The following TRPC3 variants were observed in gnomAD, a reference collection of about 807,000 sequenced individuals.
The protein encoded by TRPC3 is short transient receptor potential channel 3.
A neutral mutation model predicts 90.9 loss-of-function variants in TRPC3; 54 were observed. That is an observed-to-expected ratio of 0.59 (90% CI 0.48 to 0.75). The LOEUF is 0.75. Among genes scored for constraint, TRPC3 ranks in the 30% least tolerant of loss-of-function variants. The probability of loss-of-function intolerance (pLI) is 0.00; values close to 1 mark genes in which losing one functional copy is unlikely to be tolerated. For missense variants in TRPC3, 918 were observed against 1,194.5 expected (o/e 0.77, Z 3.41); for synonymous variants, 424 against 450.9 (o/e 0.94, Z 0.75).
intron 10 of TRPC3, among the ~76,000 whole-genome samples, chr4:121,896,111 A>G (rs998932859): frequency 6.6e-6 from 1 of 152,222 alleles, no homozygotes; most frequent in African/African-American, 2.4e-5. Flanking sequence ...CTTTTCATAA[A>G]ATTCAATATT....
chr4:121,933,079 T>C (rs1250054677), intron 1 of TRPC3, 37 bp from the exon 2 acceptor site: 1 of 1,522,186 alleles, frequency 6.6e-7, no homozygotes, highest in Admixed American at 2.1e-5. Flanking sequence ...TGTAGAATAT[T>C]AGGGCACATT....
At chr4:121,928,331 C>T (rs1048144924) in intron 2 of TRPC3, among the ~76,000 whole-genome samples, 4 of 152,154 alleles carry the variant, frequency 2.6e-5, no homozygotes, top group Non-Finnish European at 4.4e-5. Flanking sequence ...AGTCTGTTGC[C>T]AGAGTGCAGA....
intron 10 of TRPC3, among the ~76,000 whole-genome samples, chr4:121,889,146 T>G (rs1166822151): frequency 6.6e-6 from 1 of 152,120 alleles, no homozygotes; most frequent in East Asian, 1.9e-4. Context: ...ACAAAAATCA[T>G]TTCAAAATAA....
At chr4:121,904,216 CCT>C (rs1728805054) in intron 8 of TRPC3, 104 bp downstream of exon 8, 1 of 967,344 alleles carries the variant, frequency 1.0e-6, no homozygotes, top group East Asian at 2.7e-5. Context: ...TGGATATAAG[CCT>C]CTTTGTTACA....
At chr4:121,888,000 T>A (rs1728188842) in intron 10 of TRPC3, among the ~76,000 whole-genome samples, 1 of 54,108 alleles carries the variant, frequency 1.8e-5, no homozygotes, top group Non-Finnish European at 3.7e-5. Flanking sequence ...ATTTTTGGTA[T>A]TTTTTTTTTT....
chr4:121,886,893 T>C (rs1312307110), intron 10 of TRPC3, among the ~76,000 whole-genome samples: 1 of 152,210 alleles, frequency 6.6e-6, no homozygotes. Context: ...CAAGTTGCCC[T>C]GAATATGTGC....
intron 6 of TRPC3, among the ~76,000 whole-genome samples, chr4:121,908,553 A>T (rs2149123285): frequency 6.6e-6 from 1 of 152,320 alleles, no homozygotes; most frequent in South Asian, 2.1e-4. Flanking sequence ...GCCACAAAAA[A>T]GAACAAAAAT....
intron 3 of TRPC3, among the ~76,000 whole-genome samples, chr4:121,918,880 C>A (rs1333430124): frequency 3.3e-5 from 5 of 152,160 alleles, no homozygotes; most frequent in African/African-American, 9.7e-5. Flanking sequence ...GAGTTTTGGT[C>A]TTTTCAATGA....
At chr4:121,883,348 A>G (rs950651471) in intron 10 of TRPC3, among the ~76,000 whole-genome samples, 3 of 152,182 alleles carry the variant, frequency 2.0e-5, no homozygotes, top group Admixed American at 2.0e-4. Context: ...AGAAAGTGAA[A>G]AGGCAAGCCA....
At chr4:121,884,699 A>G (rs1728051730) in intron 10 of TRPC3, among the ~76,000 whole-genome samples, 1 of 152,172 alleles carries the variant, frequency 6.6e-6, no homozygotes, top group Admixed American at 6.5e-5. Context: ...GGAAAAGCTC[A>G]TTTTTCCAGT....
At chr4:121,913,414 A>G (rs1016100191) in intron 4 of TRPC3, among the ~76,000 whole-genome samples, 1 of 152,200 alleles carries the variant, frequency 6.6e-6, no homozygotes, top group Non-Finnish European at 1.5e-5. Flanking sequence ...GGCAGCTCTA[A>G]ACATGGGCTC....
At chr4:121,926,242 A>T (rs1405025018) in intron 2 of TRPC3, among the ~76,000 whole-genome samples, 1 of 152,206 alleles carries the variant, frequency 6.6e-6, no homozygotes, top group Non-Finnish European at 1.5e-5. Context: ...ACAACTTTGG[A>T]CTGGCTCCGC....
At chr4:121,941,053 T>C (rs1730294026) in intron 1 of TRPC3, among the ~76,000 whole-genome samples, 1 of 152,202 alleles carries the variant, frequency 6.6e-6, no homozygotes, top group South Asian at 2.1e-4. Flanking sequence ...GGCTACTTTA[T>C]CATGATGCTG....
intron 3 of TRPC3, among the ~76,000 whole-genome samples, chr4:121,920,796 G>A (rs1003251242): frequency 3.9e-5 from 6 of 152,004 alleles, no homozygotes; most frequent in African/African-American, 1.4e-4. Flanking sequence ...TTTTCTACAG[G>A]GCCCTGGATG....
At chr4:121,945,693 G>C (rs113866978) in intron 1 of TRPC3, among the ~76,000 whole-genome samples, 4,547 of 152,298 alleles carry the variant, frequency 0.03, 98 homozygotes, top group Middle Eastern at 0.078. Context: ...ATATGGTTAA[G>C]TGACAACCCT....
In TRPC3 at chr4:121,951,656, T is replaced by G; in HGVS notation, c.25A>C (p.Lys9Gln). 1 of 1,381,544 alleles carries G rather than the reference T, an allele frequency of 7.2e-7. No homozygotes were observed. The highest frequency in any genetic ancestry group is 9.4e-7 in the Non-Finnish European group (1 of 1,058,386). 85.6% of individuals were successfully genotyped at this position (1,381,544 alleles called of 1,614,324 possible). The change falls in exon 1 of 12, where the codon AAA becomes CAA. Residue 9 changes from lysine to glutamine, a missense_variant. This residue lies in a region of TRPC3 where 609 missense variants were observed against 725.9 expected (regional missense o/e 0.84). Transcript: ENST00000379645. The surrounding 1 kb of genome is among the most constrained non-coding windows in gnomAD (Gnocchi z 4.4). MSTKVRKCKEQARVTFPAP... is the reference protein window; with the variant it reads MSTKVRKCQEQARVTFPAP... ...GGGAAGGTCACCCTTGCTTGTTCTTTGCACTTCCTGACCTTGGTGGACATC... is the reference window on the plus strand; with the variant it reads ...GGGAAGGTCACCCTTGCTTGTTCTTGGCACTTCCTGACCTTGGTGGACATC...
chr4:121,910,437 G>A (rs1267149309), intron 5 of TRPC3, 50 bp from the exon 6 acceptor site: 2 of 1,457,920 alleles, frequency 1.4e-6, no homozygotes, highest in South Asian at 1.2e-5. Context: ...AGGCCAGACT[G>A]AGAAGCCATT....
chr4:121,915,426 G>T (rs1395024758), intron 3 of TRPC3, among the ~76,000 whole-genome samples: 1 of 152,148 alleles, frequency 6.6e-6, no homozygotes, highest in East Asian at 1.9e-4. Flanking sequence ...AATGCATAAT[G>T]CACCCTTTGT....
intron 10 of TRPC3, among the ~76,000 whole-genome samples, chr4:121,898,119 C>T (rs1045647067): frequency 2.6e-5 from 4 of 152,068 alleles, no homozygotes; most frequent in Non-Finnish European, 5.9e-5. Context: ...GTTGATCTCA[C>T]AGAGGTAAAA....
Sources: gnomAD v4.1 joint callset for allele counts (sites outside exome capture counted in the v4.1 genomes callset) on GRCh38, gnomAD v4.1.1 for gene constraint, gnomAD v4.1.1 regional missense constraint, Gnocchi (gnomAD v3.1) non-coding constraint, MANE v1.5 for transcripts, NCBI Gene and HGNC (gene_info 2026-07-23, HGNC 2026-07-21) for gene names.